The following C20orf203 variants were observed in gnomAD, a reference collection of about 807,000 sequenced individuals.
C20orf203 encodes uncharacterized protein C20orf203.
Under a neutral mutation model 15.9 loss-of-function variants are expected in C20orf203, and 16 were observed. The observed-to-expected ratio is 1.01, with a 90% CI of 0.68 to 1.53. The LOEUF is 1.53. Ranked by LOEUF, C20orf203 falls within the 40% of genes most tolerant of loss-of-function variation. The pLI, the probability that C20orf203 is intolerant of heterozygous loss-of-function variation, is 0.00. For synonymous variants in C20orf203, 98 were observed against 97.2 expected (o/e 1.01, Z -0.05); for missense variants, 263 against 247.5 (o/e 1.06, Z -0.42).
At chr20:32,636,788 C>G (rs1179565293) in intron 5 of C20orf203, among the ~76,000 whole-genome samples, 2 of 152,180 alleles carry the variant, frequency 1.3e-5, no homozygotes, top group African/African-American at 4.8e-5. Flanking sequence ...TTCCTCTGCC[C>G]CTTGGCACCA....
intron 3 of C20orf203, 31 bp from the exon 4 acceptor site, chr20:32,650,912 T>C: frequency 6.9e-7 from 1 of 1,445,520 alleles, no homozygotes; most frequent in Non-Finnish European, 9.1e-7. Flanking sequence ...AAGAAGATCA[T>C]AGAATCTTAG....
At chr20:32,665,918 A>G (rs902421775) in intron 1 of C20orf203, among the ~76,000 whole-genome samples, 2 of 152,156 alleles carry the variant, frequency 1.3e-5, no homozygotes, top group Non-Finnish European at 2.9e-5. Flanking sequence ...CCTGGGTGAC[A>G]GAGTGAGACT....
rs73903911 is a variant in C20orf203 at position 32,633,849 on chromosome 20, C to T, written c.*1721G>A. 0.014 allele frequency: 5,408 copies of T among 394,494 alleles called. 220 individuals carry two copies. The highest frequency in any genetic ancestry group is 0.1 in the African/African-American group (4,837 of 48,602). The allele number at this position is 394,494 out of a possible 1,614,324, so 24.4% of individuals were successfully genotyped here. A position where few individuals can be genotyped will look rare whatever the true frequency, so the allele number is the denominator to read the frequency against. ...CTCCTTTCATGGAAGGAGGTCTTGCCGTCTGCCTCCCTACTCCTGACTTGG... is the reference window on the plus strand; with the variant it reads ...CTCCTTTCATGGAAGGAGGTCTTGCTGTCTGCCTCCCTACTCCTGACTTGG... On this transcript the variant is annotated 3_prime_UTR_variant, in exon 6 of 6. Coordinates refer to ENST00000608990, the MANE Select transcript of C20orf203 (RefSeq NM_182584.4).
Position 32,650,447 on chromosome 20 carries a change from C to T in C20orf203, c.570G>A (p.Arg190=). The part of the protein sequence containing the change: ...SKQQFLSNSS[R]SLFN ...CTGGGCTCGGCTAATTAAACAGCGACCGTGATGAATTGGAGAGAAACTGCT... is the reference window on the plus strand; with the variant it reads ...CTGGGCTCGGCTAATTAAACAGCGATCGTGATGAATTGGAGAGAAACTGCT... The change falls in exon 4 of 6, where the codon CGG becomes CGA. Residue 190 remains arginine, a synonymous_variant. Coordinates refer to ENST00000608990, the MANE Select transcript of C20orf203 (RefSeq NM_182584.4). 6.5e-7 allele frequency: 1 copy of T among 1,550,092 alleles called. No homozygotes were observed. The highest frequency in any genetic ancestry group is 8.7e-7 in the Non-Finnish European group (1 of 1,146,642).
chr20:32,666,797 T>TTTTATACATATATATATATATATATATA (rs367964394), intron 1 of C20orf203, among the ~76,000 whole-genome samples: 8 of 65,592 alleles, frequency 1.2e-4, no homozygotes, highest in Middle Eastern at 0.016. Context: ...TAATTTTAAT[T>TTTTATACATATATATATATATATATATA]TATATATATA....
At chr20:32,665,405 C>T (rs534779876) in intron 1 of C20orf203, among the ~76,000 whole-genome samples, 1 of 152,212 alleles carries the variant, frequency 6.6e-6, no homozygotes, top group Non-Finnish European at 1.5e-5. Context: ...GCTCAGGAGC[C>T]TCCACTCCAC....
At position 32,651,168 on chromosome 20, in the gene C20orf203, TAAAAAAAAA is replaced by T. The variant is rs11313159; in HGVS notation, c.-14-11_-14-3del. ...TAGGAAACATAGGAGACCCTCTCTCTAAAAAAAAAAAAAAAAAAAAAAAAATTAGCTGGG... is the reference window on the plus strand; with the variant it reads ...TAGGAAACATAGGAGACCCTCTCTCTAAAAAAAAAAAAAAAATTAGCTGGG... On this transcript the variant is annotated splice_polypyrimidine_tract_variant and splice_region_variant and intron_variant, in intron 2 of 5. Coordinates refer to ENST00000608990, the MANE Select transcript of C20orf203 (RefSeq NM_182584.4). 3 of 297,164 alleles carry T rather than the reference TAAAAAAAAA, an allele frequency of 1.0e-5. No homozygotes were observed. Among genetic ancestry groups the T allele is most frequent in the Admixed American group, 7.1e-5 (1 of 14,098 alleles). 18.4% of individuals were successfully genotyped at this position (297,164 alleles called of 1,614,324 possible). A position where few individuals can be genotyped will look rare whatever the true frequency, so the allele number is the denominator to read the frequency against.
intron 1 of C20orf203, among the ~76,000 whole-genome samples, chr20:32,653,352 G>A (rs7262868): frequency 0.017 from 2,632 of 152,198 alleles, 85 homozygotes; most frequent in African/African-American, 0.059. Context: ...CCCACCCTAG[G>A]GGAGGGAAGG....
At chr20:32,668,301 C>T (rs1423916158) in intron 1 of C20orf203, among the ~76,000 whole-genome samples, 1 of 152,062 alleles carries the variant, frequency 6.6e-6, no homozygotes, top group Non-Finnish European at 1.5e-5. Context: ...CACAGCAAAC[C>T]TGAAGCACAG....
intron 1 of C20orf203, among the ~76,000 whole-genome samples, chr20:32,660,210 G>A (rs1308555967): frequency 1.3e-5 from 2 of 152,116 alleles, no homozygotes; most frequent in Non-Finnish European, 2.9e-5. Flanking sequence ...CAGGGAGGTT[G>A]GGGGGCAGCT....
intron 1 of C20orf203, among the ~76,000 whole-genome samples, chr20:32,669,071 CAG>C (rs1983101855): frequency 6.6e-6 from 1 of 152,166 alleles, no homozygotes; most frequent in South Asian, 2.1e-4. Flanking sequence ...TTAGTGCATG[CAG>C]AGAGTCGTGT....
At chr20:32,647,228 C>G (rs1982459636) in intron 4 of C20orf203, among the ~76,000 whole-genome samples, 1 of 151,986 alleles carries the variant, frequency 6.6e-6, no homozygotes, top group African/African-American at 2.4e-5. Context: ...AACCCCATCT[C>G]TACTAAAAAT....
chr20:32,648,607 A>ATGT lies in C20orf203; in HGVS notation c.*1177+647_*1177+648insACA, dbSNP rs58582539. Among the ~76,000 whole-genome samples the ATGT allele has an allele frequency of 8.0e-3, 1,007 of 125,852 alleles. 40 individuals are homozygous for ATGT. Among genetic ancestry groups the ATGT allele is most frequent in the African/African-American group, 0.015 (521 of 34,550 alleles). 82.6% of individuals were successfully genotyped at this position (125,852 alleles called of 152,430 possible). A position where few individuals can be genotyped will look rare whatever the true frequency, so the allele number is the denominator to read the frequency against. ...AGGCGCCTGCTGCCAAATCTGGCTA[A>ATGT]TTTTTTTTTTTTGTGTGTGTGTTTT... On this transcript the variant is annotated intron_variant, in intron 4 of 5. Coordinates refer to ENST00000608990, the MANE Select transcript of C20orf203 (RefSeq NM_182584.4).
intron 4 of C20orf203, among the ~76,000 whole-genome samples, chr20:32,647,987 C>A (rs568571700): frequency 2.6e-5 from 4 of 152,334 alleles, no homozygotes; most frequent in Admixed American, 2.0e-4. Flanking sequence ...TAACCCCTAC[C>A]CACTTCTCTC....
At chr20:32,636,677 T>G (rs1246633910) in intron 5 of C20orf203, among the ~76,000 whole-genome samples, 4 of 152,130 alleles carry the variant, frequency 2.6e-5, no homozygotes, top group Non-Finnish European at 4.4e-5. Context: ...ACTTGGGCCA[T>G]GGAACCTCTG....
In C20orf203 at chr20:32,650,833, C is replaced by G; in HGVS notation, c.184G>C (p.Gly62Arg). 1.4e-6 allele frequency: 2 copies of G among 1,471,386 alleles called. No individual in the cohort carries two copies. The highest frequency in any genetic ancestry group is 9.0e-7 in the Non-Finnish European group (1 of 1,108,820). The allele number at this position is 1,471,386 out of a possible 1,614,324, so 91.1% of individuals were successfully genotyped here. Reference protein sequence around the residue: ...GLTAHLWDLGGGAGRRTSKAQ... With the variant: ...GLTAHLWDLGRGAGRRTSKAQ... ...TTTGAGGTCCTCCTTCCCGCCCCAC[C>G]GCCAAGGTCCCAGAGGTGGGCAGTG... Residue 62 changes from glycine (G) to arginine (R), a missense_variant, in exon 4 of 6, where the codon GGT becomes CGT. Physicochemically the swap from Gly to Arg is moderately radical, Grantham distance 125. Transcript: ENST00000608990.
At chr20:32,644,426 C>G (rs1454505349) in intron 4 of C20orf203, among the ~76,000 whole-genome samples, 1 of 152,030 alleles carries the variant, frequency 6.6e-6, no homozygotes, top group Non-Finnish European at 1.5e-5. Context: ...CCAGCCTGGG[C>G]GACAGAGCGA....
intron 1 of C20orf203, among the ~76,000 whole-genome samples, chr20:32,655,092 G>A (rs1420655082): frequency 6.6e-6 from 1 of 152,146 alleles, no homozygotes; most frequent in Non-Finnish European, 1.5e-5. Flanking sequence ...AAAGAAAGAG[G>A]TCAGACCCCT....
chr20:32,646,509 T>C (rs1213086267), intron 4 of C20orf203, among the ~76,000 whole-genome samples: 1 of 151,974 alleles, frequency 6.6e-6, no homozygotes, highest in East Asian at 1.9e-4. Flanking sequence ...TCTGGCCTAG[T>C]ATGAGGATTA....
Sources: allele counts gnomAD v4.1 joint callset (sites outside exome capture counted in the v4.1 genomes callset), GRCh38; gene constraint gnomAD v4.1.1; transcripts MANE v1.5; gene names NCBI Gene and HGNC (gene_info 2026-07-23, HGNC 2026-07-21).